The following TENM4 variants were observed in gnomAD, a reference collection of about 807,000 sequenced individuals.
TENM4 encodes teneurin transmembrane protein 4, also known as teneurin-4.
TENM4 carries 82 observed loss-of-function variants against 243.3 expected under a neutral mutation model. That is an observed-to-expected ratio of 0.34 (90% confidence interval 0.28 to 0.40). The LOEUF (loss-of-function observed/expected upper bound fraction) is 0.40. Ranked by LOEUF, TENM4 falls within the 10% of genes least tolerant of loss-of-function variation. The pLI is 1.00. For synonymous variants in TENM4, 1,412 were observed against 1,456.3 expected, an observed-to-expected ratio of 0.97 and a Z score of 0.69; for missense variants, 3,138 against 3,673.3, an observed-to-expected ratio of 0.85 and a Z score of 3.77.
At chr11:78,794,585 C>T (rs1462624165) in intron 15 of TENM4, among the ~76,000 whole-genome samples, 1 of 152,196 alleles carries the variant, frequency 6.6e-6, no homozygotes, top group African/African-American at 2.4e-5. Context: ...GGCTTAGTGG[C>T]ATTCAGAAGC....
At chr11:78,788,837 C>T (rs1016001390) in intron 15 of TENM4, among the ~76,000 whole-genome samples, 1 of 152,102 alleles carries the variant, frequency 6.6e-6, no homozygotes, top group Non-Finnish European at 1.5e-5. Flanking sequence ...CAGGTGGAAC[C>T]TAATGGTATT....
At chr11:78,713,529 T>A (rs1407180183) in intron 25 of TENM4, among the ~76,000 whole-genome samples, 1 of 152,166 alleles carries the variant, frequency 6.6e-6, no homozygotes, top group African/African-American at 2.4e-5. Flanking sequence ...GGATTTGCAA[T>A]CAGAACAGTC....
chr11:79,137,572 T>C (rs893530782), intron 4 of TENM4, among the ~76,000 whole-genome samples: 1 of 152,178 alleles, frequency 6.6e-6, no homozygotes, highest in Non-Finnish European at 1.5e-5. Flanking sequence ...TTAATACCAG[T>C]TACAACCGCG....
At chr11:79,129,174 A>G (rs1252394980) in intron 4 of TENM4, among the ~76,000 whole-genome samples, 1 of 152,286 alleles carries the variant, frequency 6.6e-6, no homozygotes, top group East Asian at 1.9e-4. Flanking sequence ...TAGAGAGCTG[A>G]GCAAAATACA....
intron 1 of TENM4, among the ~76,000 whole-genome samples, chr11:79,312,377 G>A (rs942550474): frequency 6.6e-6 from 1 of 152,198 alleles, no homozygotes; most frequent in African/African-American, 2.4e-5. Context: ...GGTATATAAT[G>A]CTTACTATGT....
At chr11:79,272,114 G>A (rs1464489939) in intron 2 of TENM4, among the ~76,000 whole-genome samples, 1 of 152,124 alleles carries the variant, frequency 6.6e-6, no homozygotes, top group Non-Finnish European at 1.5e-5. Flanking sequence ...GTCACAAAGT[G>A]CTTTTTCCAC....
chr11:79,395,412 C>T (rs1365782652), intron 1 of TENM4, among the ~76,000 whole-genome samples: 1 of 152,196 alleles, frequency 6.6e-6, no homozygotes, highest in Non-Finnish European at 1.5e-5. Context: ...ACAGAGTTCA[C>T]AGTCTAGATG....
chr11:78,791,655 G>A (rs1857059415), intron 15 of TENM4, among the ~76,000 whole-genome samples: 1 of 152,200 alleles, frequency 6.6e-6, no homozygotes, highest in Non-Finnish European at 1.5e-5. Flanking sequence ...ATGGCAGACA[G>A]ATATAACCTA....
chr11:79,258,171 T>C (rs972911733), intron 2 of TENM4, among the ~76,000 whole-genome samples: 1 of 152,128 alleles, frequency 6.6e-6, no homozygotes, highest in African/African-American at 2.4e-5. Flanking sequence ...GTCAGATAAA[T>C]AGGCCTCTCT....
chr11:79,050,317 T>C (rs149751696), intron 6 of TENM4, among the ~76,000 whole-genome samples: 474 of 152,344 alleles, frequency 3.1e-3, no homozygotes, highest in South Asian at 6.0e-3. Context: ...GCTGGGGTTA[T>C]AAATTATTGA....
intron 12 of TENM4, among the ~76,000 whole-genome samples, chr11:78,822,682 A>G (rs1042735991): frequency 3.9e-5 from 6 of 152,180 alleles, no homozygotes; most frequent in South Asian, 2.1e-4. Context: ...ACGTTTACCT[A>G]TGTAACAAAC....
chr11:79,066,146 C>T (rs12270135), intron 5 of TENM4, among the ~76,000 whole-genome samples: 91,527 of 152,044 alleles, frequency 0.6, 28,039 homozygotes, highest in Middle Eastern at 0.64. Flanking sequence ...AGAGACACAA[C>T]CAAACACATG....
intron 9 of TENM4, among the ~76,000 whole-genome samples, chr11:78,863,800 T>C (rs1308598327): frequency 6.6e-6 from 1 of 152,224 alleles, no homozygotes; most frequent in Non-Finnish European, 1.5e-5. Context: ...AAAATACACA[T>C]ACCCTTTATC....
At chr11:78,763,473 C>G in intron 18 of TENM4, among the ~76,000 whole-genome samples, 1 of 152,226 alleles carries the variant, frequency 6.6e-6, no homozygotes, top group East Asian at 1.9e-4. Context: ...ACTTGAAGCT[C>G]TGTGGTGCTC....
intron 2 of TENM4, among the ~76,000 whole-genome samples, chr11:79,247,832 C>G (rs1565267564): frequency 6.6e-6 from 1 of 152,220 alleles, no homozygotes; most frequent in Non-Finnish European, 1.5e-5. Flanking sequence ...TTCTGGACTT[C>G]CAAAGCATTT....
intron 1 of TENM4, among the ~76,000 whole-genome samples, chr11:79,331,657 G>A (rs1857063782): frequency 6.6e-6 from 1 of 152,050 alleles, no homozygotes; most frequent in African/African-American, 2.4e-5. Flanking sequence ...TCACTTCTAA[G>A]TGTTATACAA....
rs868225649 is a variant in TENM4, at chr11:79,139,162, T to C, written c.-66+9548A>G. Among the ~76,000 whole-genome samples the C allele has an allele frequency of 2.2e-4, 15 of 67,258 alleles. No homozygotes were observed. In the South Asian group the frequency reaches 0.011, roughly 50 times the overall value. 44.1% of individuals were successfully genotyped at this position (67,258 alleles called of 152,430 possible). A position where few individuals can be genotyped will look rare whatever the true frequency, so the allele number is the denominator to read the frequency against. Reference sequence around the variant, plus strand: ...TTCTATAAATATATAAAATATATATTATATTTCTATAAATATATAAAATAT... The same window carrying C: ...TTCTATAAATATATAAAATATATATCATATTTCTATAAATATATAAAATAT... On this transcript the variant is annotated intron_variant, in intron 4 of 33. Transcript: ENST00000278550.
intron 2 of TENM4, among the ~76,000 whole-genome samples, chr11:79,233,984 A>G (rs11825036): frequency 1.3e-3 from 196 of 152,296 alleles, no homozygotes; most frequent in African/African-American, 4.3e-3. Context: ...ATGGATCCCA[A>G]CGGAGGTTGT....
intron 1 of TENM4, among the ~76,000 whole-genome samples, chr11:79,356,617 G>T (rs899121486): frequency 6.6e-6 from 1 of 152,112 alleles, no homozygotes; most frequent in Non-Finnish European, 1.5e-5. Flanking sequence ...TCTATCTAGT[G>T]GGGTCATTCA....
Sources: allele counts gnomAD v4.1 joint callset (sites outside exome capture counted in the v4.1 genomes callset), GRCh38; gene constraint gnomAD v4.1.1; transcripts MANE v1.5; gene names NCBI Gene and HGNC (gene_info 2026-07-23, HGNC 2026-07-21).